FBXW5: variants seen among roughly 807,000 people sequenced by gnomAD.
FBXW5 encodes F-box and WD repeat domain containing 5, also known as F-box/WD repeat-containing protein 5.
A neutral mutation model predicts 50.9 loss-of-function variants in FBXW5; 74 were observed. The observed-to-expected ratio is 1.45, with a 90% confidence interval of 1.20 to 1.76. FBXW5 has a LOEUF of 1.76. Ranked by LOEUF, FBXW5 falls within the 40% of genes most tolerant of loss-of-function variation. The probability of loss-of-function intolerance (pLI) is 0.00; values close to 1 mark genes in which losing one functional copy is unlikely to be tolerated. For missense variants in FBXW5, 1,073 were observed against 818.8 expected (o/e 1.31, Z -3.79); for synonymous variants, 523 against 362.2 (o/e 1.44, Z -5.04).
At position 136,941,797 on chromosome 9, in the gene FBXW5, G is replaced by C; in HGVS notation, c.1097-113C>G. On this transcript the variant is annotated intron_variant, in intron 6 of 8. Coordinates refer to ENST00000325285, the MANE Select transcript of FBXW5 (RefSeq NM_018998.4). ...GGCTGTGAGCACCACAGAGGTCCGT[G>C]GGCACTGCCTGCTCCGGGGGCCCCA... 11 of 1,452,614 alleles carry C rather than the reference G, an allele frequency of 7.6e-6. 1 individual carries two copies. The South Asian group carries it at 1.6e-4, about 21-fold the overall frequency. 90.0% of individuals were successfully genotyped at this position (1,452,614 alleles called of 1,614,324 possible). A position where few individuals can be genotyped will look rare whatever the true frequency, so the allele number is the denominator to read the frequency against.
intron 2 of FBXW5, 120 bp downstream of exon 2, chr9:136,943,770 TG>T (rs546612481): frequency 3.9e-5 from 46 of 1,184,164 alleles, no homozygotes; most frequent in Middle Eastern, 2.8e-4. Context: ...TATCAGGGTG[TG>T]GGGGGGTGAG....
Position 136,943,929 on chromosome 9 carries a change from C to T in FBXW5, c.155G>A (p.Arg52His), listed in dbSNP as rs749431171. Residue 52 changes from arginine (R) to histidine (H), a missense_variant, in exon 2 of 9, where the codon CGC becomes CAC. Transcript: ENST00000325285. Reference sequence around the variant, plus strand: ...CACGTCGCGGGCCACCTGGTAGTAGCGGTAGAACTGCTCCCTCCACAGGAA... The same window carrying T: ...CACGTCGCGGGCCACCTGGTAGTAGTGGTAGAACTGCTCCCTCCACAGGAA... ...DEFLWREQFY[R>H]YYQVARDVPR... 6 of 1,551,886 alleles carry T rather than the reference C, an allele frequency of 3.9e-6. No individual in the cohort carries two copies. Among genetic ancestry groups the T allele is most frequent in the South Asian group, 1.2e-5 (1 of 84,218 alleles).
chr9:136,941,503 G>T, intron 7 of FBXW5, 34 bp downstream of exon 7: 1 of 1,605,530 alleles, frequency 6.2e-7, no homozygotes. Context: ...GCCGCCTGCG[G>T]GCACCCCGCC....
Position 136,943,245 on chromosome 9 carries a change from C to T in FBXW5, c.351+104G>A, listed in dbSNP as rs548383395. 7.5e-5 allele frequency: 60 copies of T among 802,092 alleles called. No homozygotes were observed. The African/African-American group carries it at 1.2e-3, about 16-fold the overall frequency. 49.7% of individuals were successfully genotyped at this position (802,092 alleles called of 1,614,324 possible). On this transcript the variant is annotated intron_variant, in intron 3 of 8. Transcript: ENST00000325285. The stretch of plus-strand genomic sequence containing the variant: ...GAGGCTGCTGTCACCTCTGGCCTGA[C>T]CCACCCCCCCCCCCACCACCACCTG...
chr9:136,944,319 C>T (rs1157152214), intron 1 of FBXW5: 2 of 588,768 alleles, frequency 3.4e-6, no homozygotes, highest in Non-Finnish European at 4.8e-6. Context: ...CGGCCTCCTG[C>T]GGCCGGCAGC....
chr9:136,942,346 G>C lies in FBXW5; in HGVS notation c.796C>G (p.Leu266Val). 6.2e-7 allele frequency: 1 copy of C among 1,606,048 alleles called. No homozygotes were observed. The highest frequency in any genetic ancestry group is 8.5e-7 in the Non-Finnish European group (1 of 1,177,082). ...DCSRFDSPDL[L>V]LEAGDPATSP... ...GTGGCCGGGTCACCGGCTTCCAGCA[G>C]CAGGTCAGGGCTGTCGAAGCGGCTG... The change falls in exon 6 of 9, where the codon CTG becomes GTG. Residue 266 changes from leucine to valine, a missense_variant. By Grantham distance (32) the Leu-to-Val change is conservative. Transcript: ENST00000325285.
Position 136,942,174 on chromosome 9 carries a change from A to G in FBXW5, c.968T>C (p.Leu323Pro), listed in dbSNP as rs1228309530. 6.3e-7 allele frequency: 1 copy of G among 1,598,466 alleles called. No individual in the cohort carries two copies. The highest frequency in any genetic ancestry group is 1.1e-5 in the South Asian group (1 of 89,212). ...RAQPQLSERM[L>P]ETKVAELLAQ... The stretch of plus-strand genomic sequence containing the variant: ...CAGCAGCTCGGCCACCTTGGTCTCT[A>G]GCATGCGCTCCGACAGCTGTGGCTG... Residue 323 changes from leucine (L) to proline (P), a missense_variant, in exon 6 of 9, where the codon CTA (leucine) becomes CCA (proline). Transcript: ENST00000325285.
Position 136,941,700 on chromosome 9 carries a change from C to T in FBXW5, c.1097-16G>A, listed in dbSNP as rs1035783778. On this transcript the variant is annotated splice_polypyrimidine_tract_variant and intron_variant, in intron 6 of 8. Transcript: ENST00000325285. The stretch of plus-strand genomic sequence containing the variant: ...TGCTTGATGCCTGCAGGGAGGGCTA[C>T]GGTGAGGGTCCCTGTCCAATGCCCC... The T allele has an allele frequency of 2.0e-5, 31 of 1,546,652 alleles. No homozygotes were observed. Among genetic ancestry groups the T allele is most frequent in the Middle Eastern group, 1.7e-4 (1 of 6,000 alleles).
In FBXW5 at chr9:136,943,793, G is replaced by C; in HGVS notation, c.193+98C>G. 3.0e-6 allele frequency: 4 copies of C among 1,337,854 alleles called. No individual in the cohort carries two copies. In the South Asian group the frequency reaches 4.2e-5, roughly 14 times the overall value. The allele number at this position is 1,337,854 out of a possible 1,614,324, so 82.9% of individuals were successfully genotyped here. Reference sequence around the variant, plus strand: ...TGTGGGGGGGTGAGCATGGACACGCGGGGCCGCGGGGCGGGCCCCCAGCCA... The same window carrying C: ...TGTGGGGGGGTGAGCATGGACACGCCGGGCCGCGGGGCGGGCCCCCAGCCA... On this transcript the variant is annotated intron_variant, in intron 2 of 8. Transcript: ENST00000325285.
At position 136,942,175 on chromosome 9, in the gene FBXW5, G is replaced by A. The variant is rs559429464; in HGVS notation, c.967C>T (p.Leu323=). ...AGCAGCTCGGCCACCTTGGTCTCTA[G>A]CATGCGCTCCGACAGCTGTGGCTGC... ...RAQPQLSERM[L]ETKVAELLAQ... Residue 323 remains leucine (L), a synonymous_variant, in exon 6 of 9, where the codon CTA becomes TTA. Coordinates refer to ENST00000325285, the MANE Select transcript of FBXW5 (RefSeq NM_018998.4). 6 of 1,597,680 alleles carry A rather than the reference G, an allele frequency of 3.8e-6. No individual in the cohort carries two copies. The East Asian group carries it at 1.4e-4, about 36-fold the overall frequency.
At position 136,942,705 on chromosome 9, in the gene FBXW5, G is replaced by A. The variant is rs1336899957; in HGVS notation, c.527-10C>T. On this transcript the variant is annotated splice_polypyrimidine_tract_variant and intron_variant, in intron 4 of 8. Coordinates refer to ENST00000325285, the MANE Select transcript of FBXW5 (RefSeq NM_018998.4). ...AGCAGCGCGAAGGAGTCTGTGGGGA[G>A]GCCGGGGCTGGACAGGCTGTCGGCG... The A allele has an allele frequency of 6.2e-7, 1 of 1,611,378 alleles. No homozygotes were observed. Among genetic ancestry groups the A allele is most frequent in the Non-Finnish European group, 8.5e-7 (1 of 1,179,350 alleles).
At chr9:136,944,207 C>CGGGGCTGCGTGTCTGCA in intron 1 of FBXW5, 101 bp from the exon 2 acceptor site, 2 of 1,301,676 alleles carry the variant, frequency 1.5e-6, no homozygotes, top group South Asian at 3.0e-5. Context: ...GGGAGTTCCA[C>CGGGGCTGCGTGTCTGCA]GGGGCTGCGT....
chr9:136,944,186 A>T (rs1409076643), intron 1 of FBXW5, 80 bp from the exon 2 acceptor site: 18 of 1,392,722 alleles, frequency 1.3e-5, no homozygotes, highest in Non-Finnish European at 1.6e-5. Context: ...TCCAGCCCCA[A>T]CCGTCCCGCC....
intron 1 of FBXW5, 167 bp from the exon 2 acceptor site, chr9:136,944,273 C>G (rs1850944294): frequency 3.3e-5 from 26 of 781,914 alleles, no homozygotes; most frequent in Non-Finnish European, 4.6e-5. Context: ...CAGCTCCGGG[C>G]GGGCCGGGCC....
chr9:136,943,849 C>A (rs1850915348), intron 2 of FBXW5, 42 bp downstream of exon 2: 11 of 1,542,694 alleles, frequency 7.1e-6, no homozygotes, highest in Non-Finnish European at 9.6e-6. Context: ...GGCCCGGGGC[C>A]CTGGCTGCAG....
At chr9:136,942,731 TG>T in intron 4 of FBXW5, 36 bp from the exon 5 acceptor site, 2 of 1,604,094 alleles carry the variant, frequency 1.2e-6, no homozygotes, top group Non-Finnish European at 1.7e-6. Context: ...GCTGTCGGCG[TG>T]GGGCGGGGGC....
chr9:136,944,292 T>G, intron 1 of FBXW5, 186 bp from the exon 2 acceptor site: 2 of 675,412 alleles, frequency 3.0e-6, no homozygotes, highest in South Asian at 4.3e-5. Context: ...CCGGCCCCTC[T>G]CCGCCGCGTC....
chr9:136,943,677 T>TACCCCCC (rs1314120145), intron 2 of FBXW5, among the ~76,000 whole-genome samples, 171 bp from the exon 3 acceptor site: 26 of 152,094 alleles, frequency 1.7e-4, no homozygotes, highest in South Asian at 8.3e-4. Context: ...GAGACCCCTG[T>TACCCCCC]ACCCCCCACC....
intron 3 of FBXW5, 101 bp downstream of exon 3, chr9:136,943,245 CCCA>C: frequency 7.5e-6 from 6 of 802,048 alleles, no homozygotes; most frequent in Non-Finnish European, 9.3e-6. Flanking sequence ...TCTGGCCTGA[CCCA>C]CCCCCCCCCC....
Sources: allele counts gnomAD v4.1 joint callset (sites outside exome capture counted in the v4.1 genomes callset), GRCh38; gene constraint gnomAD v4.1.1; transcripts MANE v1.5; gene names NCBI Gene and HGNC (gene_info 2026-07-23, HGNC 2026-07-21).